Variants in ARHGAP25 observed in about 807,000 individuals in gnomAD.
ARHGAP25 encodes the protein rho GTPase-activating protein 25.
Under a neutral mutation model 71.0 loss-of-function variants are expected in ARHGAP25, and 34 were observed. The observed-to-expected ratio is 0.48, with a 90% confidence interval of 0.36 to 0.64. ARHGAP25 has a LOEUF of 0.64. Ranked by LOEUF, ARHGAP25 falls within the 30% of genes least tolerant of loss-of-function variation. The pLI, the probability that ARHGAP25 is intolerant of heterozygous loss-of-function variation, is 0.00. For synonymous variants in ARHGAP25, 282 were observed against 296.5 expected, an observed-to-expected ratio of 0.95 and a Z score of 0.50; for missense variants, 706 against 805.1, an observed-to-expected ratio of 0.88 and a Z score of 1.49.
At chr2:68,734,618 CT>C (rs1675116361), upstream of ARHGAP25, among the ~76,000 whole-genome samples, 1 of 152,160 alleles carries the variant, frequency 6.6e-6, no homozygotes, top group African/African-American at 2.4e-5. Context: ...ACATTTTCTT[CT>C]AATTAAAACT....
chr2:68,807,147 C>A, intron 4 of ARHGAP25, 126 bp from the exon 5 acceptor site: 1 of 824,356 alleles, frequency 1.2e-6, no homozygotes, highest in Non-Finnish European at 2.0e-6. Context: ...AGTGATTTAT[C>A]TCCCATATTT....
intron 5 of ARHGAP25, among the ~76,000 whole-genome samples, chr2:68,811,314 G>A (rs2311416): frequency 0.23 from 34,862 of 151,936 alleles, 4,246 homozygotes; most frequent in East Asian, 0.43. Context: ...GATGCTGATA[G>A]AGACAAATGG....
At chr2:68,731,035 G>C (rs956479841), upstream of ARHGAP25, among the ~76,000 whole-genome samples, 4 of 151,862 alleles carry the variant, frequency 2.6e-5, no homozygotes, top group Middle Eastern at 3.2e-3. Context: ...ATTAGGCTGG[G>C]TTCTTAATCA....
intron 1 of ARHGAP25, among the ~76,000 whole-genome samples, chr2:68,770,981 G>T (rs1473250934): frequency 2.0e-5 from 3 of 152,112 alleles, no homozygotes; most frequent in Admixed American, 6.5e-5. Flanking sequence ...TAGTGGAAAT[G>T]TTCTCTATCT....
intron 4 of ARHGAP25, among the ~76,000 whole-genome samples, chr2:68,793,018 T>C (rs1679296161): frequency 6.6e-6 from 1 of 152,236 alleles, no homozygotes; most frequent in Non-Finnish European, 1.5e-5. Context: ...ATTTCTCTGA[T>C]GATTATTAAT....
chr2:68,746,644 AAAATGG>A (rs1377414191), intron 1 of ARHGAP25, among the ~76,000 whole-genome samples: 1 of 152,130 alleles, frequency 6.6e-6, no homozygotes, highest in Non-Finnish European at 1.5e-5. Context: ...CTGACTGTGA[AAAATGG>A]AAATGGAGAT....
intron 1 of ARHGAP25, among the ~76,000 whole-genome samples, chr2:68,766,662 G>A (rs2104354786): frequency 1.3e-5 from 2 of 152,276 alleles, no homozygotes; most frequent in South Asian, 4.1e-4. Flanking sequence ...GGTTTCCAGA[G>A]CTGCTGATAA....
chr2:68,732,841 A>G (rs1573387367), upstream of ARHGAP25, among the ~76,000 whole-genome samples: 1 of 152,376 alleles, frequency 6.6e-6, no homozygotes, highest in African/African-American at 2.4e-5. Context: ...TCCTGAAGAC[A>G]GGAGTATACA....
intron 1 of ARHGAP25, among the ~76,000 whole-genome samples, chr2:68,736,404 C>G (rs1675222657): frequency 6.6e-6 from 1 of 152,144 alleles, no homozygotes; most frequent in African/African-American, 2.4e-5. Context: ...GATTTTCCTC[C>G]TAACTATCAT....
chr2:68,759,744 C>T (rs1004695709), intron 1 of ARHGAP25, among the ~76,000 whole-genome samples: 7 of 151,876 alleles, frequency 4.6e-5, no homozygotes, highest in Non-Finnish European at 8.8e-5. Flanking sequence ...TCTACATTAC[C>T]TTGATATTAA....
At chr2:68,782,068 C>T (rs1196487304) in intron 2 of ARHGAP25, among the ~76,000 whole-genome samples, 165 bp from the exon 3 acceptor site, 1 of 152,186 alleles carries the variant, frequency 6.6e-6, no homozygotes, top group African/African-American at 2.4e-5. Context: ...TTGCCCAAGG[C>T]CTGAGTAGCA....
chr2:68,787,787 C>G, intron 3 of ARHGAP25, 53 bp from the exon 4 acceptor site: 5 of 1,452,438 alleles, frequency 3.4e-6, no homozygotes, highest in Non-Finnish European at 4.8e-6. Flanking sequence ...CTTCCCCTTG[C>G]TCTCATGTTC....
rs1479371071 is a variant in ARHGAP25 at position 68,767,542 on chromosome 2, C to T, written c.62-7679C>T. 2.0e-5 allele frequency among the ~76,000 whole-genome samples: 3 copies of T among 152,108 alleles called. No individual in the cohort carries two copies. Among genetic ancestry groups the T allele is most frequent in the Admixed American group, 6.5e-5 (1 of 15,270 alleles). On this transcript the variant is annotated intron_variant, in intron 1 of 10. Transcript: ENST00000409202. The surrounding 1 kb of genome is among the most constrained non-coding windows in gnomAD (Gnocchi z 4.6). ...CTGCTGTTTCAGAGAGCTCCCCAGT[C>T]GGCTCCTTCCTCAGCTGTGGTGTGG...
At chr2:68,749,923 T>C (rs920384227) in intron 1 of ARHGAP25, among the ~76,000 whole-genome samples, 11 of 152,252 alleles carry the variant, frequency 7.2e-5, no homozygotes, top group Non-Finnish European at 1.6e-4. Flanking sequence ...GTTTTGAGTT[T>C]TGCAAAATTT....
chr2:68,815,607 C>A (rs1389169452), intron 6 of ARHGAP25, among the ~76,000 whole-genome samples: 7 of 152,080 alleles, frequency 4.6e-5, no homozygotes, highest in African/African-American at 1.7e-4. Flanking sequence ...TCCGCCACCA[C>A]GCCCGGCTAG....
intron 2 of ARHGAP25, among the ~76,000 whole-genome samples, chr2:68,716,136 G>T (rs1674604083): frequency 6.6e-6 from 1 of 152,060 alleles, no homozygotes; most frequent in African/African-American, 2.4e-5. Context: ...TCCTTGGCCT[G>T]CCCATCCTTT....
intron 4 of ARHGAP25, among the ~76,000 whole-genome samples, chr2:68,794,488 A>G (rs773762084): frequency 1.1e-3 from 171 of 152,154 alleles, no homozygotes; most frequent in Non-Finnish European, 2.0e-3. Context: ...ACAGATGCTG[A>G]ATTTTATCAT....
At chr2:68,814,884 GA>G (rs895281454) in intron 6 of ARHGAP25, among the ~76,000 whole-genome samples, 60 of 152,314 alleles carry the variant, frequency 3.9e-4, no homozygotes, top group African/African-American at 1.3e-3. Flanking sequence ...CGTAACTTAA[GA>G]ATTTTATTGG....
chr2:68,819,395 C>G (rs764925329), intron 9 of ARHGAP25, 76 bp downstream of exon 9: 2 of 1,526,448 alleles, frequency 1.3e-6, no homozygotes, highest in East Asian at 2.3e-5. Context: ...GGCCTGCTCT[C>G]GGGTGGCAAT....
Sources: gnomAD v4.1 joint callset for allele counts (sites outside exome capture counted in the v4.1 genomes callset) on GRCh38, gnomAD v4.1.1 for gene constraint, Gnocchi (gnomAD v3.1) non-coding constraint, MANE v1.5 for transcripts, NCBI Gene and HGNC (gene_info 2026-07-23, HGNC 2026-07-21) for gene names.